MAB21L4: variants seen among roughly 807,000 people sequenced by gnomAD.
MAB21L4 encodes the protein mab-21 like 4, also known as protein mab-21-like 4.
In MAB21L4, 25 loss-of-function variants were observed where a neutral mutation model predicts 32.4. The observed-to-expected ratio is 0.77, with a 90% CI of 0.56 to 1.08. The LOEUF (loss-of-function observed/expected upper bound fraction) is 1.08. Ranked by LOEUF, MAB21L4 falls within the 50% of genes least tolerant of loss-of-function variation. MAB21L4 has a pLI of 0.00. For missense variants in MAB21L4, 638 were observed against 611.0 expected (o/e 1.04, Z -0.47); for synonymous variants, 280 against 276.8 (o/e 1.01, Z -0.11).
At chr2:240,890,261 T>C in intron 2 of MAB21L4, 103 bp from the exon 3 acceptor site, 1 of 1,395,712 alleles carries the variant, frequency 7.2e-7, no homozygotes, top group African/African-American at 1.4e-5. Flanking sequence ...AGGGTCGTGC[T>C]GTGCTGCGTC....
chr2:240,888,102 G>C (rs2059111103), intron 4 of MAB21L4, among the ~76,000 whole-genome samples, 190 bp downstream of exon 4: 1 of 152,144 alleles, frequency 6.6e-6, no homozygotes, highest in South Asian at 2.1e-4. Context: ...CCAGTGAGGG[G>C]ACCCCCACGG....
At chr2:240,896,303 C>T, upstream of MAB21L4, 1 of 488,286 alleles carries the variant, frequency 2.0e-6, no homozygotes, top group Non-Finnish European at 3.1e-6. Context: ...GAAGAGCTCT[C>T]TCATCTTAGG....
chr2:240,887,706 TTG>T (rs1258906134), intron 4 of MAB21L4, among the ~76,000 whole-genome samples: 4 of 151,762 alleles, frequency 2.6e-5, no homozygotes, highest in East Asian at 1.9e-4. Flanking sequence ...TGGAAGGAGA[TTG>T]TGTTTGCTCC....
chr2:240,887,979 G>A (rs2059110349), intron 4 of MAB21L4, among the ~76,000 whole-genome samples: 1 of 152,174 alleles, frequency 6.6e-6, no homozygotes. Flanking sequence ...TGGGCAGCTG[G>A]GGCTCTGAGC....
rs747125238 is a variant in MAB21L4, at chr2:240,887,296, G to T, written c.1252-134C>A. The T allele has an allele frequency of 3.5e-4, 238 of 689,284 alleles. 1 individual carries two copies. Among genetic ancestry groups the T allele is most frequent in the Non-Finnish European group, 4.5e-4 (179 of 398,646 alleles). The allele number at this position is 689,284 out of a possible 1,614,324, so 42.7% of individuals were successfully genotyped here. A position where few individuals can be genotyped will look rare whatever the true frequency, so the allele number is the denominator to read the frequency against. Reference sequence around the variant, plus strand: ...CCGGGCCTTCCTGCCCCGGGTATCTGCCTGGACAGGCATCCTAGAGGCGGA... The same window carrying T: ...CCGGGCCTTCCTGCCCCGGGTATCTTCCTGGACAGGCATCCTAGAGGCGGA... On this transcript the variant is annotated intron_variant, in intron 4 of 4. Transcript: ENST00000388934.
chr2:240,894,042 G>T (rs917049906), intron 1 of MAB21L4, among the ~76,000 whole-genome samples: 1 of 151,948 alleles, frequency 6.6e-6, no homozygotes, highest in Non-Finnish European at 1.5e-5. Flanking sequence ...TCTGGGGAGG[G>T]CTTCTGTTAG....
rs757714672 is a variant in MAB21L4, at chr2:240,895,584, C to T, written c.414G>A (p.Lys138=). The change falls in exon 1 of 5, where the codon AAG becomes AAA. Residue 138 remains lysine (K), a synonymous_variant. Transcript: ENST00000388934. ...TFTASSEGDA[K]CRGHIVPSKV... ...TGCTGGGCACAATGTGTCCACGGCACTTGGCGTCACCCTCCGAGGAGGCAG... is the reference window on the plus strand; with the variant it reads ...TGCTGGGCACAATGTGTCCACGGCATTTGGCGTCACCCTCCGAGGAGGCAG... The T allele has an allele frequency of 5.0e-6, 8 of 1,612,614 alleles. No individual in the cohort carries two copies. The East Asian group carries it at 1.3e-4, about 27-fold the overall frequency.
chr2:240,890,465 C>T (rs554340406), intron 2 of MAB21L4, among the ~76,000 whole-genome samples: 5 of 152,184 alleles, frequency 3.3e-5, no homozygotes, highest in Non-Finnish European at 7.3e-5. Context: ...CCACTCAGCC[C>T]GGGGGTGTGA....
intron 2 of MAB21L4, among the ~76,000 whole-genome samples, chr2:240,890,709 G>A (rs12464585): frequency 0.4 from 60,284 of 152,102 alleles, 12,264 homozygotes; most frequent in African/African-American, 0.46. Context: ...CCAGTAACGC[G>A]CCCAGTGTCC....
At chr2:240,887,706 T>C (rs969033427) in intron 4 of MAB21L4, among the ~76,000 whole-genome samples, 4 of 151,762 alleles carry the variant, frequency 2.6e-5, no homozygotes, top group Admixed American at 6.6e-5. Context: ...TGGAAGGAGA[T>C]TGTGTTTGCT....
intron 1 of MAB21L4, among the ~76,000 whole-genome samples, chr2:240,894,634 G>A (rs1184421587): frequency 1.3e-5 from 2 of 152,178 alleles, no homozygotes; most frequent in Admixed American, 6.5e-5. Flanking sequence ...GTGAAACCCT[G>A]TCTCTACTAA....
At position 240,895,633 on chromosome 2, in the gene MAB21L4, C is replaced by A. The variant is rs373507498; in HGVS notation, c.365G>T (p.Arg122Leu). 8 of 1,612,626 alleles carry A rather than the reference C, an allele frequency of 5.0e-6. No individual in the cohort carries two copies. The South Asian group carries it at 7.7e-5, about 15-fold the overall frequency. ...AGTGAAGGTATCCTCGGTGGTCCAC[C>A]GCTCCAGGCCAGCCCCTTCCCTGGG... ...GVPREGAGLE[R>L]WTTEDTFTAS... The change falls in exon 1 of 5, where the codon CGG becomes CTG. Residue 122 changes from arginine to leucine, a missense_variant. Arg to Leu is a moderately radical substitution (Grantham distance 102). Transcript: ENST00000388934.
intron 1 of MAB21L4, among the ~76,000 whole-genome samples, chr2:240,892,190 C>T (rs1373559417): frequency 6.6e-6 from 1 of 152,186 alleles, no homozygotes; most frequent in African/African-American, 2.4e-5. Context: ...AGCTAGCCCC[C>T]TACCTCCTGA....
chr2:240,891,492 T>G, intron 2 of MAB21L4, 46 bp downstream of exon 2: 1 of 1,512,768 alleles, frequency 6.6e-7, no homozygotes, highest in Non-Finnish European at 8.9e-7. Context: ...AGTGGCCCCT[T>G]CCTGCCCCCT....
At chr2:240,887,645 A>T (rs895679679) in intron 4 of MAB21L4, among the ~76,000 whole-genome samples, 1 of 152,232 alleles carries the variant, frequency 6.6e-6, no homozygotes, top group African/African-American at 2.4e-5. Context: ...CTGGGGCCTC[A>T]CTGCCACTAG....
Position 240,895,490 on chromosome 2 carries a change from C to G in MAB21L4, c.508G>C (p.Ala170Pro), listed in dbSNP as rs4359646. The change falls in exon 1 of 5, where the codon GCA becomes CCA. Residue 170 changes from alanine (A) to proline (P), a missense_variant. Coordinates refer to ENST00000388934, the MANE Select transcript of MAB21L4 (RefSeq NM_001085437.3). ...GAGTGGGCTGTGCCTGTACCTGGTG[C>G]GATGAGACTGTGGTGCTTGCAGTGT... ...IVHCKHHSLIAPGSLNAASLR... is the reference protein window; with the variant it reads ...IVHCKHHSLIPPGSLNAASLR... 3.9e-6 allele frequency: 6 copies of G among 1,552,654 alleles called. No individual in the cohort carries two copies. The highest frequency in any genetic ancestry group is 1.8e-5 in the Admixed American group (1 of 54,534).
chr2:240,888,110 C>T (rs531365289), intron 4 of MAB21L4, among the ~76,000 whole-genome samples, 182 bp downstream of exon 4: 5 of 152,176 alleles, frequency 3.3e-5, no homozygotes, highest in Non-Finnish European at 4.4e-5. Flanking sequence ...GGGACCCCCA[C>T]GGCCCGTGTG....
At chr2:240,890,313 G>T (rs1443921160) in intron 2 of MAB21L4, among the ~76,000 whole-genome samples, 155 bp from the exon 3 acceptor site, 4 of 152,254 alleles carry the variant, frequency 2.6e-5, no homozygotes, top group Non-Finnish European at 5.9e-5. Context: ...CTCGGGAGCT[G>T]CTGTCATCGG....
upstream of MAB21L4, chr2:240,896,207 T>A: frequency 1.6e-4 from 181 of 1,121,688 alleles, no homozygotes; most frequent in South Asian, 2.4e-4. Flanking sequence ...TGGGGGTGAG[T>A]CAGTCCCCAG....
Sources: gnomAD v4.1 joint callset for allele counts (sites outside exome capture counted in the v4.1 genomes callset) on GRCh38, gnomAD v4.1.1 for gene constraint, MANE v1.5 for transcripts, NCBI Gene and HGNC (gene_info 2026-07-23, HGNC 2026-07-21) for gene names.